The following TSHZ2 variants were observed in gnomAD, a reference collection of about 807,000 sequenced individuals.
TSHZ2 encodes the protein teashirt homolog 2.
Under a neutral mutation model 74.4 loss-of-function variants are expected in TSHZ2, and 21 were observed. The ratio of observed to expected loss-of-function variants is 0.28; its 90% CI spans 0.20 to 0.41. TSHZ2 has a LOEUF of 0.41. TSHZ2 is among the 10% of genes least tolerant of loss of function. The pLI is 1.00. For synonymous variants in TSHZ2, 540 were observed against 515.3 expected (o/e 1.05, Z -0.65); for missense variants, 1,244 against 1,293.5 (o/e 0.96, Z 0.59).
chr20:53,124,681 A>G (rs1986899189), intron 1 of TSHZ2, among the ~76,000 whole-genome samples: 1 of 152,240 alleles, frequency 6.6e-6, no homozygotes, highest in South Asian at 2.1e-4. Flanking sequence ...AGCAGAACCT[A>G]TACTAAACTC....
intron 1 of TSHZ2, among the ~76,000 whole-genome samples, chr20:53,079,641 C>T (rs763896598): frequency 2.0e-5 from 3 of 152,214 alleles, no homozygotes; most frequent in East Asian, 1.9e-4. Flanking sequence ...ATATGCCTAA[C>T]GAAGTGAATA....
chr20:53,288,532 G>T (rs1991215099), intron 2 of TSHZ2, among the ~76,000 whole-genome samples: 1 of 152,136 alleles, frequency 6.6e-6, no homozygotes, highest in African/African-American at 2.4e-5. Flanking sequence ...CTTGGAGAAT[G>T]AATAGTCTTG....
chr20:53,344,667 T>C (rs1011921963), intron 2 of TSHZ2, among the ~76,000 whole-genome samples: 4 of 152,224 alleles, frequency 2.6e-5, no homozygotes, highest in African/African-American at 4.8e-5. Context: ...ACTGTATTTA[T>C]ACTAATCACT....
chr20:53,302,957 C>T (rs905824679), intron 2 of TSHZ2, among the ~76,000 whole-genome samples: 4 of 152,204 alleles, frequency 2.6e-5, no homozygotes, highest in South Asian at 2.1e-4. Context: ...AATTTCCACA[C>T]GCTTGCCCAC....
Position 53,255,519 on chromosome 20 carries a change from G to A in TSHZ2, c.2061G>A (p.Pro687=), listed in dbSNP as rs765569706. Residue 687 remains proline, a synonymous_variant, in exon 2 of 3, where the codon CCG becomes CCA. Coordinates refer to ENST00000371497, the MANE Select transcript of TSHZ2 (RefSeq NM_173485.6). The surrounding 1 kb of genome is among the most constrained non-coding windows in gnomAD (Gnocchi z 4.1). Reference sequence around the variant, plus strand: ...GGTGCGCCCTCGCCAACCACGCCCCGGCCCTGCCATGCATCAACCCACTCA... The same window carrying A: ...GGTGCGCCCTCGCCAACCACGCCCCAGCCCTGCCATGCATCAACCCACTCA... ...SNGCALANHA[P]ALPCINPLSA... 68 of 1,588,178 alleles carry A rather than the reference G, an allele frequency of 4.3e-5. No homozygotes were observed. Among genetic ancestry groups the A allele is most frequent in the East Asian group, 8.9e-5 (4 of 44,718 alleles).
intron 1 of TSHZ2, among the ~76,000 whole-genome samples, chr20:53,049,862 T>G (rs1164688845): frequency 6.6e-6 from 1 of 151,870 alleles, no homozygotes; most frequent in Non-Finnish European, 1.5e-5. Flanking sequence ...CAGGTGGATC[T>G]CTTGAGGTCA....
intron 1 of TSHZ2, among the ~76,000 whole-genome samples, chr20:53,002,746 G>A (rs1024353615): frequency 1.3e-5 from 2 of 152,030 alleles, no homozygotes; most frequent in African/African-American, 2.4e-5. Flanking sequence ...ACAGTATTTG[G>A]GACCTACGGG....
chr20:53,253,661 A>G lies in TSHZ2; in HGVS notation c.203A>G (p.Asn68Ser). The G allele has an allele frequency of 6.2e-7, 1 of 1,614,062 alleles. No homozygotes were observed. Among genetic ancestry groups the G allele is most frequent in the Non-Finnish European group, 8.5e-7 (1 of 1,180,016 alleles). Residue 68 changes from asparagine to serine, a missense_variant, in exon 2 of 3, where the codon AAC (asparagine) becomes AGC (serine). This residue lies in a region of TSHZ2 where 470 missense variants were observed against 456.5 expected (regional missense o/e 1.03). Transcript: ENST00000371497. ...PEQKGCFSYQ[N>S]SPGSHLSNQD... Reference sequence around the variant, plus strand: ...CAAAAAGGCTGCTTCAGCTACCAGAACTCTCCAGGAAGTCATTTGTCCAAT... The same window carrying G: ...CAAAAAGGCTGCTTCAGCTACCAGAGCTCTCCAGGAAGTCATTTGTCCAAT...
intron 1 of TSHZ2, among the ~76,000 whole-genome samples, chr20:53,207,858 C>CTTTTT (rs58457116): frequency 6.2e-5 from 6 of 96,664 alleles, no homozygotes; most frequent in Admixed American, 1.3e-4. Context: ...CATTGTTTTA[C>CTTTTT]TTTTTTTTTT....
chr20:53,096,495 A>G (rs912438330), intron 1 of TSHZ2, among the ~76,000 whole-genome samples: 61 of 152,168 alleles, frequency 4.0e-4, no homozygotes, highest in African/African-American at 1.3e-3. Context: ...AATGACAACT[A>G]TTTAGCAAAG....
At chr20:53,399,123 C>T (rs545835580) in intron 2 of TSHZ2, 2 of 152,296 alleles carry the variant, frequency 1.3e-5, no homozygotes, top group African/African-American at 4.8e-5. Flanking sequence ...TACTGGAAAT[C>T]GCTAACGGAG....
chr20:53,296,682 A>G (rs947980468), intron 2 of TSHZ2, among the ~76,000 whole-genome samples: 1 of 152,168 alleles, frequency 6.6e-6, no homozygotes, highest in East Asian at 1.9e-4. Context: ...AAACTTCTTT[A>G]TATTTTTGGT....
At chr20:53,212,983 G>A (rs566199455) in intron 1 of TSHZ2, among the ~76,000 whole-genome samples, 1 of 152,234 alleles carries the variant, frequency 6.6e-6, no homozygotes, top group Admixed American at 6.5e-5. Flanking sequence ...AAAGTAAGGA[G>A]GGGGATCCAC....
chr20:53,044,517 C>T (rs1316769480), intron 1 of TSHZ2, among the ~76,000 whole-genome samples: 2 of 152,146 alleles, frequency 1.3e-5, no homozygotes, highest in Non-Finnish European at 2.9e-5. Context: ...ACACTAGCTA[C>T]GGCCATCAGC....
intron 1 of TSHZ2, among the ~76,000 whole-genome samples, chr20:52,997,485 C>A (rs1013340907): frequency 2.0e-5 from 3 of 152,140 alleles, no homozygotes; most frequent in Non-Finnish European, 4.4e-5. Context: ...GATTTCATTT[C>A]AATCCCATGG....
intron 1 of TSHZ2, among the ~76,000 whole-genome samples, chr20:53,212,475 G>A (rs914284413): frequency 6.6e-6 from 1 of 152,188 alleles, no homozygotes; most frequent in Admixed American, 6.5e-5. Context: ...ATGAAGATGT[G>A]ATGGACATTC....
At chr20:53,354,724 G>T (rs1165722537) in intron 2 of TSHZ2, among the ~76,000 whole-genome samples, 1 of 152,208 alleles carries the variant, frequency 6.6e-6, no homozygotes, top group African/African-American at 2.4e-5. Context: ...GACACTCTGT[G>T]TACAGTTTCA....
At chr20:53,240,744 T>C (rs1312316685) in intron 1 of TSHZ2, among the ~76,000 whole-genome samples, 2 of 151,792 alleles carry the variant, frequency 1.3e-5, no homozygotes, top group African/African-American at 4.8e-5. Context: ...GATAGATAGA[T>C]AGATAGATAG....
At chr20:53,000,706 C>T (rs1245701226) in intron 1 of TSHZ2, among the ~76,000 whole-genome samples, 1 of 152,082 alleles carries the variant, frequency 6.6e-6, no homozygotes, top group Non-Finnish European at 1.5e-5. Context: ...ACAATTTCAC[C>T]TGGATGAGAA....
Sources: gnomAD v4.1 joint callset for allele counts (sites outside exome capture counted in the v4.1 genomes callset) on GRCh38, gnomAD v4.1.1 for gene constraint, gnomAD v4.1.1 regional missense constraint, Gnocchi (gnomAD v3.1) non-coding constraint, MANE v1.5 for transcripts, NCBI Gene and HGNC (gene_info 2026-07-23, HGNC 2026-07-21) for gene names.